DACH1: variants seen among roughly 807,000 people sequenced by gnomAD.
DACH1 encodes the protein dachshund homolog 1.
A neutral mutation model predicts 54.2 loss-of-function variants in DACH1; 12 were observed. The observed-to-expected ratio is 0.22, with a 90% CI of 0.14 to 0.36. The LOEUF (loss-of-function observed/expected upper bound fraction) is 0.36, where lower values mean the gene tolerates loss of function less well. Ranked by LOEUF, DACH1 falls within the 10% of genes least tolerant of loss-of-function variation. DACH1 has a pLI of 1.00. For missense variants in DACH1, 805 were observed against 929.8 expected (o/e 0.87, Z 1.75); for synonymous variants, 386 against 366.2 (o/e 1.05, Z -0.62).
At chr13:71,796,742 A>G (rs1401742471) in intron 1 of DACH1, among the ~76,000 whole-genome samples, 1 of 151,792 alleles carries the variant, frequency 6.6e-6, no homozygotes, top group East Asian at 1.9e-4. Flanking sequence ...CAAGTAATAT[A>G]TAGTACTAAT....
Position 71,832,728 on chromosome 13 carries a change from T to C in DACH1, c.848+33194A>G, listed in dbSNP as rs540979996. The stretch of plus-strand genomic sequence containing the variant: ...ATAAGACATCTTCTACTACTGGAAA[T>C]GTAAAAATGTAAGAGAAGGCATGAT... On this transcript the variant is annotated intron_variant, in intron 1 of 10. Transcript: ENST00000613252. 3.0e-4 allele frequency among the ~76,000 whole-genome samples: 45 copies of C among 152,028 alleles called. 1 individual carries two copies. The South Asian group carries it at 8.9e-3, about 30-fold the overall frequency.
rs191043434 is a variant in DACH1, at chr13:71,502,813, C to A, written c.1571-13665G>T. Among the ~76,000 whole-genome samples the A allele has an allele frequency of 7.9e-5, 12 of 152,308 alleles. No homozygotes were observed. The East Asian group carries it at 2.3e-3, about 29-fold the overall frequency. ...CCGTCTTTCAGTATTGGACACTATT[C>A]CTTCCCTGACTGCGTCAATGTGTTC... On this transcript the variant is annotated intron_variant, in intron 6 of 10. Coordinates refer to ENST00000613252, the MANE Select transcript of DACH1 (RefSeq NM_080759.6).
At chr13:71,699,370 G>C (rs1881996917) in intron 1 of DACH1, among the ~76,000 whole-genome samples, 1 of 152,034 alleles carries the variant, frequency 6.6e-6, no homozygotes, top group Admixed American at 6.6e-5. Flanking sequence ...TTCATTTTTT[G>C]GTAACATTTA....
Position 71,587,113 on chromosome 13 carries a change from T to C in DACH1, c.1127-14101A>G, listed in dbSNP as rs1187175989. ...TACAAAATGCAAACTCCAAGTGTTTTATCCTAATGAATAAATGAGTTTGTC... is the reference window on the plus strand; with the variant it reads ...TACAAAATGCAAACTCCAAGTGTTTCATCCTAATGAATAAATGAGTTTGTC... On this transcript the variant is annotated intron_variant, in intron 3 of 10. Coordinates refer to ENST00000613252, the MANE Select transcript of DACH1 (RefSeq NM_080759.6). Among the ~76,000 whole-genome samples the C allele has an allele frequency of 4.6e-5, 7 of 152,140 alleles. No individual in the cohort carries two copies. In the East Asian group the frequency reaches 1.2e-3, roughly 25 times the overall value.
chr13:71,861,213 A>G (rs1874328915), intron 1 of DACH1, among the ~76,000 whole-genome samples: 1 of 152,060 alleles, frequency 6.6e-6, no homozygotes, highest in Non-Finnish European at 1.5e-5. Flanking sequence ...GAATTTTTCT[A>G]GAGGAAAAAA....
intron 10 of DACH1, among the ~76,000 whole-genome samples, chr13:71,468,471 C>T (rs895930567): frequency 7.8e-4 from 118 of 152,172 alleles, no homozygotes; most frequent in African/African-American, 2.6e-3. Flanking sequence ...AAGGAACCCC[C>T]ATTCCCACAC....
At chr13:71,581,945 T>A (rs1042913424) in intron 3 of DACH1, among the ~76,000 whole-genome samples, 13 of 152,166 alleles carry the variant, frequency 8.5e-5, no homozygotes, top group African/African-American at 3.1e-4. Context: ...GTAATAGTCA[T>A]GCAGAGATTG....
chr13:71,723,527 G>A (rs77046856), intron 1 of DACH1, among the ~76,000 whole-genome samples: 5,990 of 152,240 alleles, frequency 0.039, 275 homozygotes, highest in African/African-American at 0.11. Context: ...ATAGGTACCT[G>A]AACAGTAATA....
In DACH1 at chr13:71,738,248, G is replaced by GAGAA. The variant is rs753928553; in HGVS notation, c.849-56342_849-56339dup. ...ATAGAGAGTAGCAAATCTCAGTCTT[G>GAGAA]AGAAATATAGGTAAAACAAGGTGTA... On this transcript the variant is annotated intron_variant, in intron 1 of 10. Coordinates refer to ENST00000613252, the MANE Select transcript of DACH1 (RefSeq NM_080759.6). Among the ~76,000 whole-genome samples the GAGAA allele has an allele frequency of 4.6e-5, 7 of 152,266 alleles. No individual in the cohort carries two copies. In the East Asian group the frequency reaches 1.2e-3, roughly 25 times the overall value.
chr13:71,675,368 T>C (rs1346724472), intron 2 of DACH1: 6 of 1,503,508 alleles, frequency 4.0e-6, no homozygotes, highest in East Asian at 4.6e-5. Flanking sequence ...GCCTATCTGG[T>C]TGGCCTTTTT....
At chr13:71,863,104 C>T (rs1476801818) in intron 1 of DACH1, among the ~76,000 whole-genome samples, 1 of 151,978 alleles carries the variant, frequency 6.6e-6, no homozygotes, top group Non-Finnish European at 1.5e-5. Context: ...ATAAACTTGA[C>T]TTGAATGAAA....
At chr13:71,846,771 A>T (rs1873307877) in intron 1 of DACH1, among the ~76,000 whole-genome samples, 1 of 152,230 alleles carries the variant, frequency 6.6e-6, no homozygotes, top group Non-Finnish European at 1.5e-5. Context: ...AACCTTAAGC[A>T]AGTAAACTAA....
chr13:71,637,073 T>C (rs1566396696), intron 2 of DACH1, among the ~76,000 whole-genome samples: 1 of 152,120 alleles, frequency 6.6e-6, no homozygotes, highest in Non-Finnish European at 1.5e-5. Flanking sequence ...TAGTCTAGAC[T>C]CACTCTCTTA....
chr13:71,470,014 T>C (rs1219996766), intron 10 of DACH1, among the ~76,000 whole-genome samples: 1 of 152,224 alleles, frequency 6.6e-6, no homozygotes, highest in Non-Finnish European at 1.5e-5. Flanking sequence ...TCAGAGGAAC[T>C]GTGGTCTATA....
chr13:71,682,007 T>C, intron 1 of DACH1, 97 bp from the exon 2 acceptor site: 1 of 637,536 alleles, frequency 1.6e-6, no homozygotes, highest in South Asian at 2.5e-5. Context: ...TAAATAAATT[T>C]GTTTCAAGGA....
intron 1 of DACH1, among the ~76,000 whole-genome samples, chr13:71,729,848 A>G (rs1297953591): frequency 6.6e-6 from 1 of 152,102 alleles, no homozygotes; most frequent in African/African-American, 2.4e-5. Context: ...CCTGATGGGC[A>G]CCTGGGTAAC....
intron 1 of DACH1, among the ~76,000 whole-genome samples, chr13:71,726,514 A>C (rs1883473096): frequency 6.6e-6 from 1 of 152,126 alleles, no homozygotes; most frequent in Non-Finnish European, 1.5e-5. Flanking sequence ...ATAGAAAAAT[A>C]AAGTGATTTT....
At chr13:71,640,974 T>C (rs1252507622) in intron 2 of DACH1, among the ~76,000 whole-genome samples, 2 of 152,080 alleles carry the variant, frequency 1.3e-5, no homozygotes, top group African/African-American at 2.4e-5. Flanking sequence ...TCTACCTCAA[T>C]GTCTCAGTTG....
intron 1 of DACH1, among the ~76,000 whole-genome samples, chr13:71,792,147 T>G (rs1886859684): frequency 6.6e-6 from 1 of 152,154 alleles, no homozygotes; most frequent in South Asian, 2.1e-4. Context: ...TTGTTAACAT[T>G]TCATATATAA....
Sources: allele counts gnomAD v4.1 joint callset (sites outside exome capture counted in the v4.1 genomes callset), GRCh38; gene constraint gnomAD v4.1.1; transcripts MANE v1.5; gene names NCBI Gene and HGNC (gene_info 2026-07-23, HGNC 2026-07-21).